The following UBE2J1 variants were observed in gnomAD, a reference collection of about 807,000 sequenced individuals.
UBE2J1 encodes the protein ubiquitin-conjugating enzyme E2 J1.
Under a neutral mutation model 42.1 loss-of-function variants are expected in UBE2J1, and 17 were observed. The ratio of observed to expected loss-of-function variants is 0.40; its 90% confidence interval spans 0.28 to 0.61. The LOEUF (loss-of-function observed/expected upper bound fraction) is 0.61. Among genes scored for constraint, UBE2J1 ranks in the 20% least tolerant of loss-of-function variants. UBE2J1 has a pLI of 0.38. For synonymous variants in UBE2J1, 127 were observed against 137.2 expected (o/e 0.93, Z 0.52); for missense variants, 291 against 389.4 (o/e 0.75, Z 2.13).
rs745882449 is a variant in UBE2J1, at chr6:89,338,558, A to G, written c.238-15T>C. The stretch of plus-strand genomic sequence containing the variant: ...CGACCATTAGCCTGAGGAATAAACA[A>G]TGCATTTAGAAAATTAAATACATGT... On this transcript the variant is annotated splice_polypyrimidine_tract_variant and intron_variant, in intron 3 of 7. Coordinates refer to ENST00000435041, the MANE Select transcript of UBE2J1 (RefSeq NM_016021.3). 7.3e-6 allele frequency: 11 copies of G among 1,504,082 alleles called. No homozygotes were observed. In the South Asian group the frequency reaches 1.3e-4, roughly 18 times the overall value. 93.2% of individuals were successfully genotyped at this position (1,504,082 alleles called of 1,614,324 possible). A position where few individuals can be genotyped will look rare whatever the true frequency, so the allele number is the denominator to read the frequency against.
At chr6:89,331,520 T>C (rs1452691860) in intron 7 of UBE2J1, among the ~76,000 whole-genome samples, 1 of 152,206 alleles carries the variant, frequency 6.6e-6, no homozygotes. Flanking sequence ...GATTCATTCA[T>C]TCAATCAACA....
intron 6 of UBE2J1, among the ~76,000 whole-genome samples, chr6:89,333,718 G>T (rs1768050990): frequency 6.6e-6 from 1 of 152,198 alleles, no homozygotes; most frequent in Non-Finnish European, 1.5e-5. Context: ...AAATTCTCAT[G>T]TACAAAACAC....
intron 5 of UBE2J1, 103 bp downstream of exon 5, chr6:89,338,102 C>T: frequency 2.8e-6 from 2 of 718,494 alleles, no homozygotes; most frequent in Non-Finnish European, 4.6e-6. Context: ...TAGCTACAGT[C>T]ACTCAGAAAA....
rs1431267022 is a variant in UBE2J1, at chr6:89,352,710, C to G, written c.-141G>C. 2.1e-6 allele frequency: 2 copies of G among 958,522 alleles called. No individual in the cohort carries two copies. Among genetic ancestry groups the G allele is most frequent in the Non-Finnish European group, 1.4e-6 (1 of 703,766 alleles). 59.4% of individuals were successfully genotyped at this position (958,522 alleles called of 1,614,324 possible). On this transcript the variant is annotated 5_prime_UTR_variant, in exon 1 of 8. Transcript: ENST00000435041. ...CAAATGCCGCCCAGTCCAGCCTGGA[C>G]TGCGGGCGGGGTGGCAAGGCTGAGT...
chr6:89,349,287 G>A (rs572307629), intron 1 of UBE2J1, among the ~76,000 whole-genome samples: 1 of 152,262 alleles, frequency 6.6e-6, no homozygotes, highest in East Asian at 1.9e-4. Context: ...GTGAGGAAGG[G>A]CAGGGTCAAT....
intron 3 of UBE2J1, among the ~76,000 whole-genome samples, chr6:89,338,841 A>G (rs779935495): frequency 6.6e-6 from 1 of 151,608 alleles, no homozygotes; most frequent in East Asian, 1.9e-4. Flanking sequence ...AATGTTTTGT[A>G]TTTTTAGTAG....
chr6:89,352,338 G>A (rs1468121043), intron 1 of UBE2J1, among the ~76,000 whole-genome samples: 1 of 152,236 alleles, frequency 6.6e-6, no homozygotes, highest in African/African-American at 2.4e-5. Flanking sequence ...GCGCTGGCCG[G>A]CCGGGGGATT....
rs1412658841 is a variant in UBE2J1 at position 89,329,120 on chromosome 6, G to C, written c.*559C>G. The C allele has an allele frequency of 6.5e-6, 1 of 153,036 alleles. No individual in the cohort carries two copies. The highest frequency in any genetic ancestry group is 1.5e-5 in the Non-Finnish European group (1 of 68,766). 9.5% of individuals were successfully genotyped at this position (153,036 alleles called of 1,614,324 possible). On this transcript the variant is annotated 3_prime_UTR_variant, in exon 8 of 8. Coordinates refer to ENST00000435041, the MANE Select transcript of UBE2J1 (RefSeq NM_016021.3). The stretch of plus-strand genomic sequence containing the variant: ...TGATCTCATTTCCTCATAAATGTTT[G>C]ACTGAAATAAAATTATTTTCACTGA...
chr6:89,332,299 AT>A (rs796976564), intron 7 of UBE2J1, among the ~76,000 whole-genome samples: 2 of 152,108 alleles, frequency 1.3e-5, no homozygotes, highest in Non-Finnish European at 2.9e-5. Flanking sequence ...AAGGAAAATC[AT>A]TTTTTTCCCA....
rs923502762 is a variant in UBE2J1 at position 89,328,750 on chromosome 6, G to C, written c.*929C>G. On this transcript the variant is annotated 3_prime_UTR_variant, in exon 8 of 8. Coordinates refer to ENST00000435041, the MANE Select transcript of UBE2J1 (RefSeq NM_016021.3). ...CTATCACTGTTACTTGGGCCCTGAG[G>C]TTTTCTATTAAAATAGGACATGAAA... The C allele has an allele frequency of 6.6e-6, 1 of 151,982 alleles. No homozygotes were observed. The highest frequency in any genetic ancestry group is 1.5e-5 in the Non-Finnish European group (1 of 67,992). 9.4% of individuals were successfully genotyped at this position (151,982 alleles called of 1,614,324 possible). A position where few individuals can be genotyped will look rare whatever the true frequency, so the allele number is the denominator to read the frequency against.
chr6:89,344,176 G>C (rs1207068957), intron 1 of UBE2J1, among the ~76,000 whole-genome samples: 1 of 151,472 alleles, frequency 6.6e-6, no homozygotes, highest in Non-Finnish European at 1.5e-5. Context: ...AAATGACAGA[G>C]ATGGGATTCC....
rs537187436 is a variant in UBE2J1, at chr6:89,327,246, T to C, written c.*2433A>G. ...TACCTTGATATCTCATCATGTGCTA[T>C]GTTGGTCAAATAAAATGTCATGAGT... On this transcript the variant is annotated 3_prime_UTR_variant, in exon 8 of 8. Transcript: ENST00000435041. The C allele has an allele frequency of 2.6e-5, 4 of 152,672 alleles. No homozygotes were observed. The highest frequency in any genetic ancestry group is 2.6e-4 in the Admixed American group (4 of 15,292). The allele number at this position is 152,672 out of a possible 1,614,324, so 9.5% of individuals were successfully genotyped here.
At position 89,329,832 on chromosome 6, in the gene UBE2J1, TGAA is replaced by T. The variant is rs776176998; in HGVS notation, c.801_803del (p.Ser268del). ...GCTGGTGGCCCTGGATTACATCTGG[TGAA>T]GTAGACAACCTTCTCTGACTCTGCT... On this transcript the variant is annotated inframe_deletion, in exon 8 of 8. Coordinates refer to ENST00000435041, the MANE Select transcript of UBE2J1 (RefSeq NM_016021.3). 9.9e-5 allele frequency: 160 copies of T among 1,613,966 alleles called. No individual in the cohort carries two copies. Among genetic ancestry groups the T allele is most frequent in the Non-Finnish European group, 1.3e-4 (156 of 1,179,992 alleles).
chr6:89,345,051 G>A (rs563838027), intron 1 of UBE2J1, among the ~76,000 whole-genome samples: 1 of 152,304 alleles, frequency 6.6e-6, no homozygotes, highest in South Asian at 2.1e-4. Flanking sequence ...TCAAAAGAGA[G>A]GTATGCACCA....
At chr6:89,348,093 C>A (rs1768395449) in intron 1 of UBE2J1, among the ~76,000 whole-genome samples, 1 of 152,178 alleles carries the variant, frequency 6.6e-6, no homozygotes, top group Non-Finnish European at 1.5e-5. Flanking sequence ...CATAGTCTGC[C>A]CCTCCTGATA....
In UBE2J1 at chr6:89,327,960, G is replaced by A. The variant is rs1388766027; in HGVS notation, c.*1719C>T. The A allele has an allele frequency of 6.6e-6, 1 of 152,186 alleles. No homozygotes were observed. The highest frequency in any genetic ancestry group is 2.4e-5 in the African/African-American group (1 of 41,450). The allele number at this position is 152,186 out of a possible 1,614,324, so 9.4% of individuals were successfully genotyped here. A position where few individuals can be genotyped will look rare whatever the true frequency, so the allele number is the denominator to read the frequency against. ...GAGTGTATTTTCTTATGGCAATAGA[G>A]TTATAAAATGGTAACCTATGATTTT... On this transcript the variant is annotated 3_prime_UTR_variant, in exon 8 of 8. Transcript: ENST00000435041.
chr6:89,329,542 A>G lies in UBE2J1; in HGVS notation c.*137T>C. ...AGTCTGAATGTCTAGATATATTTAT[A>G]CTAAACTTACAAGGATCAAAAAAAG... On this transcript the variant is annotated 3_prime_UTR_variant, in exon 8 of 8. Transcript: ENST00000435041. 1 of 922,190 alleles carries G rather than the reference A, an allele frequency of 1.1e-6. No homozygotes were observed. 57.1% of individuals were successfully genotyped at this position (922,190 alleles called of 1,614,324 possible).
intron 5 of UBE2J1, among the ~76,000 whole-genome samples, chr6:89,337,829 G>T (rs1046374570): frequency 6.6e-6 from 1 of 152,090 alleles, no homozygotes. Context: ...ATTACCTCTT[G>T]GCCCTCAAGA....
At chr6:89,333,823 G>C in intron 6 of UBE2J1, among the ~76,000 whole-genome samples, 1 of 152,096 alleles carries the variant, frequency 6.6e-6, no homozygotes, top group East Asian at 1.9e-4. Context: ...CCTCCTCCAG[G>C]CACTACAATA....
Sources: allele counts gnomAD v4.1 joint callset (sites outside exome capture counted in the v4.1 genomes callset), GRCh38; gene constraint gnomAD v4.1.1; transcripts MANE v1.5; gene names NCBI Gene and HGNC (gene_info 2026-07-23, HGNC 2026-07-21).